Variants in CXCL13 observed in about 807,000 individuals in gnomAD.
CXCL13 encodes the protein C-X-C motif chemokine ligand 13.
A neutral mutation model predicts 12.2 loss-of-function variants in CXCL13; 7 were observed. That is an observed-to-expected ratio of 0.57 (90% CI 0.33 to 1.07). The LOEUF is 1.07. Ranked by LOEUF, CXCL13 falls within the 50% of genes least tolerant of loss-of-function variation. The pLI, the probability that CXCL13 is intolerant of heterozygous loss-of-function variation, is 0.04. For missense variants in CXCL13, 113 were observed against 127.4 expected (o/e 0.89, Z 0.55); for synonymous variants, 47 against 42.4 (o/e 1.11, Z -0.42).
chr4:77,605,986 T>A, intron 1 of CXCL13, 57 bp downstream of exon 1: 1 of 1,261,994 alleles, frequency 7.9e-7, no homozygotes, highest in Non-Finnish European at 1.1e-6. Flanking sequence ...CTTTAACCAC[T>A]TCAATTTTCT....
intron 1 of CXCL13, among the ~76,000 whole-genome samples, chr4:77,538,831 A>T (rs1190129731): frequency 1.3e-5 from 2 of 152,190 alleles, no homozygotes; most frequent in Non-Finnish European, 2.9e-5. Flanking sequence ...TCCAAGTCAC[A>T]TGGCAACAAG....
intron 1 of CXCL13, among the ~76,000 whole-genome samples, chr4:77,569,982 C>G (rs545909226): frequency 2.6e-5 from 4 of 152,194 alleles, no homozygotes; most frequent in African/African-American, 9.7e-5. Context: ...ATGCCTACAA[C>G]TATCTGATCT....
chr4:77,597,792 A>C (rs930903416), intron 1 of CXCL13, among the ~76,000 whole-genome samples: 5 of 152,228 alleles, frequency 3.3e-5, no homozygotes, highest in Non-Finnish European at 7.3e-5. Flanking sequence ...AAGCACCAGC[A>C]GCACCAAGGC....
chr4:77,585,765 C>T (rs988787056), intron 1 of CXCL13, among the ~76,000 whole-genome samples: 2 of 152,154 alleles, frequency 1.3e-5, no homozygotes, highest in African/African-American at 4.8e-5. Flanking sequence ...TTGGGTACTT[C>T]AAAATATTTG....
intron 1 of CXCL13, among the ~76,000 whole-genome samples, chr4:77,530,989 G>A (rs1469132541): frequency 6.6e-6 from 1 of 151,188 alleles, no homozygotes; most frequent in African/African-American, 2.4e-5. Context: ...TGTTCTCGTT[G>A]GTTTCAAAGA....
intron 1 of CXCL13, among the ~76,000 whole-genome samples, chr4:77,545,841 T>C (rs1419711214): frequency 2.0e-5 from 3 of 152,222 alleles, no homozygotes; most frequent in African/African-American, 7.2e-5. Context: ...TCAAAGGGAA[T>C]GCTTCCAGTT....
At chr4:77,528,433 G>A (rs1027339921) in intron 1 of CXCL13, among the ~76,000 whole-genome samples, 1 of 152,160 alleles carries the variant, frequency 6.6e-6, no homozygotes, top group Non-Finnish European at 1.5e-5. Context: ...ATCTTCTCCA[G>A]CACCTGTTGT....
At chr4:77,540,106 G>C (rs1175484237) in intron 1 of CXCL13, among the ~76,000 whole-genome samples, 1 of 152,076 alleles carries the variant, frequency 6.6e-6, no homozygotes, top group East Asian at 1.9e-4. Context: ...ATTATAGATT[G>C]ATTATCTCTG....
At chr4:77,606,873 T>A (rs1440134570) in intron 1 of CXCL13, among the ~76,000 whole-genome samples, 1 of 152,240 alleles carries the variant, frequency 6.6e-6, no homozygotes, top group Non-Finnish European at 1.5e-5. Flanking sequence ...CTGATAAATG[T>A]CTTTGGCTTA....
intron 1 of CXCL13, among the ~76,000 whole-genome samples, chr4:77,580,881 C>A (rs969355565): frequency 6.7e-6 from 1 of 150,010 alleles, no homozygotes; most frequent in Non-Finnish European, 1.5e-5. Flanking sequence ...TGTGATGAGA[C>A]CCCCTGGCCT....
chr4:77,564,743 C>T (rs983247718), intron 1 of CXCL13, among the ~76,000 whole-genome samples: 28 of 152,306 alleles, frequency 1.8e-4, no homozygotes, highest in African/African-American at 6.3e-4. Context: ...TTAATTATGA[C>T]ATATAGCTCC....
intron 1 of CXCL13, among the ~76,000 whole-genome samples, chr4:77,522,464 C>T (rs1026820078): frequency 3.0e-5 from 3 of 101,410 alleles, no homozygotes; most frequent in Non-Finnish European, 6.1e-5. Flanking sequence ...CTCTTTTGCT[C>T]TTTATTTGTT....
intron 1 of CXCL13, among the ~76,000 whole-genome samples, chr4:77,538,486 C>A (rs1466418646): frequency 6.7e-6 from 1 of 149,150 alleles, no homozygotes; most frequent in Non-Finnish European, 1.5e-5. Context: ...CAGAAAACAT[C>A]ACCTTTTCTC....
intron 1 of CXCL13, among the ~76,000 whole-genome samples, chr4:77,586,540 C>T (rs565877397): frequency 2.6e-5 from 4 of 152,228 alleles, no homozygotes; most frequent in East Asian, 1.9e-4. Context: ...TTCCACTGTG[C>T]CCACGAGGAC....
At chr4:77,535,459 T>C (rs912535119) in intron 1 of CXCL13, among the ~76,000 whole-genome samples, 1 of 152,214 alleles carries the variant, frequency 6.6e-6, no homozygotes, top group Non-Finnish European at 1.5e-5. Context: ...TCATCCCACA[T>C]GCTGTTCTTA....
intron 1 of CXCL13, among the ~76,000 whole-genome samples, chr4:77,588,301 T>C (rs1649156276): frequency 6.6e-6 from 1 of 152,198 alleles, no homozygotes; most frequent in Non-Finnish European, 1.5e-5. Flanking sequence ...CTTAACCCCA[T>C]TACTGCCCCT....
At chr4:77,568,349 G>C (rs576453010) in intron 1 of CXCL13, among the ~76,000 whole-genome samples, 2 of 152,284 alleles carry the variant, frequency 1.3e-5, no homozygotes, top group South Asian at 4.1e-4. Flanking sequence ...GTGCCCCATA[G>C]CAGCACACCT....
intron 1 of CXCL13, among the ~76,000 whole-genome samples, chr4:77,520,326 A>G (rs1724558810): frequency 1.3e-5 from 2 of 152,170 alleles, no homozygotes; most frequent in Non-Finnish European, 2.9e-5. Flanking sequence ...TTTTCAAGAT[A>G]TTGATTCTTC....
intron 1 of CXCL13, among the ~76,000 whole-genome samples, chr4:77,530,089 C>T (rs541433086): frequency 6.6e-6 from 1 of 152,220 alleles, no homozygotes; most frequent in African/African-American, 2.4e-5. Context: ...TATTGATTTG[C>T]ATATGTTGAA....
Sources: allele counts gnomAD v4.1 joint callset (sites outside exome capture counted in the v4.1 genomes callset), GRCh38; gene constraint gnomAD v4.1.1; transcripts MANE v1.5; gene names NCBI Gene and HGNC (gene_info 2026-07-23, HGNC 2026-07-21).